The following ISX variants were observed in gnomAD, a reference collection of about 807,000 sequenced individuals.
ISX encodes the protein intestine-specific homeobox.
Under a neutral mutation model 16.9 loss-of-function variants are expected in ISX, and 15 were observed. The ratio of observed to expected loss-of-function variants is 0.89; its 90% CI spans 0.59 to 1.36. The LOEUF (loss-of-function observed/expected upper bound fraction) is 1.36, where lower values mean the gene tolerates loss of function less well. Among genes scored for constraint, ISX ranks in the 40% most tolerant of loss-of-function variants. The probability of loss-of-function intolerance (pLI) is 0.00; values close to 1 mark genes in which losing one functional copy is unlikely to be tolerated. For synonymous variants in ISX, 125 were observed against 119.7 expected, an observed-to-expected ratio of 1.04 and a Z score of -0.29; for missense variants, 316 against 306.1, an observed-to-expected ratio of 1.03 and a Z score of -0.24.
intron 2 of ISX, among the ~76,000 whole-genome samples, chr22:35,068,083 A>G (rs1370071700): frequency 6.6e-6 from 1 of 152,158 alleles, no homozygotes; most frequent in African/African-American, 2.4e-5. Flanking sequence ...GACCTCAGAA[A>G]AGTCCCTGTC....
Position 35,067,314 on chromosome 22 carries a change from AG to A in ISX, c.229+1del. ...GLEKPPKDQP[Q>X]EGRKSKRRVR... The stretch of plus-strand genomic sequence containing the variant: ...GAAAAGCCTCCAAAGGACCAGCCCC[AG>A]GGTAAGTGTCTTCTGATCATTTCTT... On this transcript the variant is annotated frameshift_variant and splice_region_variant, in exon 2 of 5. Coordinates refer to ENST00000404699, the MANE Select transcript of ISX (RefSeq NM_001303508.2). LOFTEE classifies it high-confidence loss of function. The A allele has an allele frequency of 1.3e-6, 2 of 1,557,896 alleles. No homozygotes were observed. Among genetic ancestry groups the A allele is most frequent in the Non-Finnish European group, 1.7e-6 (2 of 1,148,856 alleles).
At chr22:35,072,359 C>T (rs1377554848) in intron 2 of ISX, among the ~76,000 whole-genome samples, 1 of 152,140 alleles carries the variant, frequency 6.6e-6, no homozygotes, top group Non-Finnish European at 1.5e-5. Context: ...ATGGGACATG[C>T]AAGGAAGTAG....
At chr22:35,082,015 A>T (rs1268464092) in intron 2 of ISX, among the ~76,000 whole-genome samples, 1 of 152,206 alleles carries the variant, frequency 6.6e-6, no homozygotes, top group African/African-American at 2.4e-5. Context: ...GCAGACCAAG[A>T]CTGACACACT....
intron 4 of ISX, among the ~76,000 whole-genome samples, chr22:35,084,797 T>C (rs1302268389): frequency 6.6e-6 from 1 of 152,188 alleles, no homozygotes; most frequent in Non-Finnish European, 1.5e-5. Flanking sequence ...AGTACACAGA[T>C]GTTGGACACA....
intron 2 of ISX, among the ~76,000 whole-genome samples, chr22:35,069,301 C>T (rs985158521): frequency 2.0e-5 from 3 of 152,062 alleles, no homozygotes; most frequent in Admixed American, 2.0e-4. Context: ...AAGAAACCTG[C>T]AGAAATTGCA....
rs749062891 is a variant in ISX, at chr22:35,067,121, G to T, written c.34G>T (p.Gly12Cys). 13 of 1,613,896 alleles carry T rather than the reference G, an allele frequency of 8.1e-6. No homozygotes were observed. The highest frequency in any genetic ancestry group is 1.1e-5 in the Non-Finnish European group (13 of 1,179,978). ...CAEVGPALCRGMERNSLGCCE... is the reference protein window; with the variant it reads ...CAEVGPALCRCMERNSLGCCE... ...TGAGGTGGGCCCTGCTCTCTGCAGG[G>T]GTATGGAGAGAAATAGCTTGGGGTG... The change falls in exon 2 of 5, where the codon GGT becomes TGT. Residue 12 changes from glycine to cysteine, a missense_variant. By Grantham distance (159) the Gly-to-Cys change is radical. Transcript: ENST00000404699.
chr22:35,084,131 G>A (rs961189665), intron 3 of ISX, among the ~76,000 whole-genome samples: 11 of 152,156 alleles, frequency 7.2e-5, no homozygotes, highest in East Asian at 1.9e-4. Flanking sequence ...CACAGACCCC[G>A]CCAATCCCAA....
chr22:35,067,564 G>T (rs1407458809), intron 2 of ISX, among the ~76,000 whole-genome samples: 1 of 152,210 alleles, frequency 6.6e-6, no homozygotes, highest in African/African-American at 2.4e-5. Context: ...TTGTAACCAG[G>T]CCCCGGCTAA....
chr22:35,085,322 A>T, intron 4 of ISX, 132 bp from the exon 5 acceptor site: 1 of 1,106,502 alleles, frequency 9.0e-7, no homozygotes, highest in Non-Finnish European at 1.3e-6. Flanking sequence ...TAAACCCAGA[A>T]GGTCCTGAGC....
At chr22:35,071,947 C>A (rs1004873627) in intron 2 of ISX, among the ~76,000 whole-genome samples, 1 of 152,202 alleles carries the variant, frequency 6.6e-6, no homozygotes, top group Non-Finnish European at 1.5e-5. Context: ...GGAGAGGCAG[C>A]CCTGGTTTGA....
chr22:35,072,845 C>A (rs1394076774), intron 2 of ISX, among the ~76,000 whole-genome samples: 1 of 152,174 alleles, frequency 6.6e-6, no homozygotes, highest in Non-Finnish European at 1.5e-5. Context: ...TTGGGAGTAA[C>A]TTAACTGGGT....
chr22:35,083,265 T>C (rs1929167037), intron 3 of ISX, among the ~76,000 whole-genome samples: 1 of 152,086 alleles, frequency 6.6e-6, no homozygotes, highest in African/African-American at 2.4e-5. Context: ...CAAAAACAGG[T>C]GAAAGGCCAG....
intron 2 of ISX, among the ~76,000 whole-genome samples, chr22:35,075,484 T>C (rs1352888545): frequency 2.6e-5 from 4 of 152,172 alleles, no homozygotes; most frequent in African/African-American, 9.7e-5. Flanking sequence ...GAAGGGAAGA[T>C]GGAGTGGGCC....
Position 35,067,334 on chromosome 22 carries a change from A to G in ISX, c.229+18A>G. The G allele has an allele frequency of 6.6e-7, 1 of 1,521,478 alleles. No individual in the cohort carries two copies. The allele number at this position is 1,521,478 out of a possible 1,614,324, so 94.2% of individuals were successfully genotyped here. ...GCCCCAGGGTAAGTGTCTTCTGATCATTTCTTTCTGTTTCCTGGTCTCCAA... is the reference window on the plus strand; with the variant it reads ...GCCCCAGGGTAAGTGTCTTCTGATCGTTTCTTTCTGTTTCCTGGTCTCCAA... On this transcript the variant is annotated intron_variant, in intron 2 of 4. Coordinates refer to ENST00000404699, the MANE Select transcript of ISX (RefSeq NM_001303508.2).
intron 2 of ISX, among the ~76,000 whole-genome samples, chr22:35,068,062 G>A (rs1398551704): frequency 1.3e-5 from 2 of 152,180 alleles, no homozygotes; most frequent in Admixed American, 1.3e-4. Context: ...CTCTACCTTG[G>A]CCTGCTATGT....
chr22:35,067,045 G>T lies in ISX; in HGVS notation c.-43G>T. Reference sequence around the variant, plus strand: ...GGGAGGAAGTACGCCACTCTCCACTGGCACCCTCCTTGGCCTACACAGAGT... The same window carrying T: ...GGGAGGAAGTACGCCACTCTCCACTTGCACCCTCCTTGGCCTACACAGAGT... On this transcript the variant is annotated 5_prime_UTR_variant, in exon 2 of 5. Transcript: ENST00000404699. 1 of 1,511,554 alleles carries T rather than the reference G, an allele frequency of 6.6e-7. No individual in the cohort carries two copies. Among genetic ancestry groups the T allele is most frequent in the South Asian group, 1.2e-5 (1 of 85,724 alleles). 93.6% of individuals were successfully genotyped at this position (1,511,554 alleles called of 1,614,324 possible). A position where few individuals can be genotyped will look rare whatever the true frequency, so the allele number is the denominator to read the frequency against.
chr22:35,073,632 G>A (rs915896300), intron 2 of ISX, among the ~76,000 whole-genome samples: 1 of 152,170 alleles, frequency 6.6e-6, no homozygotes, highest in African/African-American at 2.4e-5. Flanking sequence ...GTCTGCCACG[G>A]AGGTCAGAAA....
At chr22:35,071,881 C>T (rs1340214659) in intron 2 of ISX, among the ~76,000 whole-genome samples, 1 of 152,100 alleles carries the variant, frequency 6.6e-6, no homozygotes, top group African/African-American at 2.4e-5. Context: ...TTCCGTAGCC[C>T]TCCTCCTCCC....
rs186951218 is a variant in ISX at position 35,076,425 on chromosome 22, G to T, written c.230-6093G>T. Among the ~76,000 whole-genome samples the T allele has an allele frequency of 2.0e-5, 3 of 152,336 alleles. No homozygotes were observed. The East Asian group carries it at 5.8e-4, about 29-fold the overall frequency. On this transcript the variant is annotated intron_variant, in intron 2 of 4. Transcript: ENST00000404699. ...TTGCCTTGTTCCCTGTGGGCACAGG[G>T]AGCCAAAGAAAGTCTGTGGCCTGAC...
Sources: gnomAD v4.1 joint callset for allele counts (sites outside exome capture counted in the v4.1 genomes callset) on GRCh38, gnomAD v4.1.1 for gene constraint, MANE v1.5 for transcripts, NCBI Gene and HGNC (gene_info 2026-07-23, HGNC 2026-07-21) for gene names.